Variants in EYS observed in about 807,000 individuals in gnomAD.
The protein encoded by EYS is EGF-like photoreceptor maintenance factor, also known as protein eyes shut homolog.
EYS carries 250 observed loss-of-function variants against 282.1 expected under a neutral mutation model. The observed-to-expected ratio is 0.89, with a 90% CI of 0.80 to 0.98. EYS has a LOEUF of 0.98. EYS is among the 50% of genes least tolerant of loss of function. The pLI is 0.00. For missense variants in EYS, 4,016 were observed against 3,709.0 expected (o/e 1.08, Z -2.15); for synonymous variants, 1,355 against 1,282.9 (o/e 1.06, Z -1.20).
intron 28 of EYS, among the ~76,000 whole-genome samples, chr6:64,406,661 C>CA (rs1367392512): frequency 2.6e-5 from 4 of 152,162 alleles, no homozygotes; most frequent in Non-Finnish European, 5.9e-5. Flanking sequence ...TATGAACAGA[C>CA]ACTTCTCAAA....
intron 9 of EYS, among the ~76,000 whole-genome samples, chr6:65,351,499 G>A (rs1352167974): frequency 6.6e-6 from 1 of 151,648 alleles, no homozygotes; most frequent in Non-Finnish European, 1.5e-5. Flanking sequence ...GCTCAAAGCT[G>A]ATTTATCCAT....
chr6:64,688,378 T>A (rs956650301), intron 22 of EYS, among the ~76,000 whole-genome samples: 1 of 152,218 alleles, frequency 6.6e-6, no homozygotes, highest in Non-Finnish European at 1.5e-5. Flanking sequence ...TAAATTTCCC[T>A]CTACACACTG....
chr6:63,757,582 T>G (rs1769522131), intron 41 of EYS, among the ~76,000 whole-genome samples: 1 of 152,152 alleles, frequency 6.6e-6, no homozygotes, highest in South Asian at 2.1e-4. Context: ...TTGAAATCCT[T>G]AATAAAAACT....
rs144988685 is a variant in EYS, at chr6:65,210,971, A to G, written c.2023+84892T>C. Among the ~76,000 whole-genome samples the G allele has an allele frequency of 2.1e-3, 314 of 151,676 alleles. 1 individual carries two copies. Among genetic ancestry groups the G allele is most frequent in the African/African-American group, 7.3e-3 (302 of 41,330 alleles). On this transcript the variant is annotated intron_variant, in intron 12 of 42. Transcript: ENST00000503581. ...ACACACACACACGAAGCAAACGAAC[A>G]TGGTTACTGAAAAGTGAGAGATAAA...
intron 30 of EYS, among the ~76,000 whole-genome samples, chr6:64,294,123 G>A (rs1016368857): frequency 6.6e-6 from 1 of 151,918 alleles, no homozygotes; most frequent in Non-Finnish European, 1.5e-5. Context: ...GATATAATTA[G>A]TATCAACTTT....
intron 22 of EYS, among the ~76,000 whole-genome samples, chr6:64,753,590 C>T (rs1772836131): frequency 6.6e-6 from 1 of 150,400 alleles, no homozygotes; most frequent in African/African-American, 2.4e-5. Context: ...TATATATCCA[C>T]CCATCACCAG....
chr6:64,460,708 C>A (rs775837327), intron 26 of EYS, among the ~76,000 whole-genome samples: 1 of 152,186 alleles, frequency 6.6e-6, no homozygotes, highest in Non-Finnish European at 1.5e-5. Flanking sequence ...TCTTTGAAAT[C>A]ATCAGCTTTA....
chr6:64,304,581 CT>C (rs1769367037), intron 30 of EYS, among the ~76,000 whole-genome samples: 1 of 61,366 alleles, frequency 1.6e-5, no homozygotes, highest in African/African-American at 7.7e-5. Flanking sequence ...TATAAATTAT[CT>C]TTTCTGATCA....
chr6:64,025,160 C>T (rs555112385), intron 33 of EYS, among the ~76,000 whole-genome samples: 130 of 152,214 alleles, frequency 8.5e-4, no homozygotes, highest in African/African-American at 2.8e-3. Flanking sequence ...GCAACTAGTG[C>T]GGCTGCCGGA....
rs1765563782 is a variant in EYS, at chr6:63,950,870, AGAG to A, written c.7055+33510_7055+33512del. Among the ~76,000 whole-genome samples the A allele has an allele frequency of 2.0e-5, 3 of 152,228 alleles. No individual in the cohort carries two copies. In the South Asian group the frequency reaches 6.2e-4, roughly 32 times the overall value. On this transcript the variant is annotated intron_variant, in intron 35 of 42. Coordinates refer to ENST00000503581, the MANE Select transcript of EYS (RefSeq NM_001142800.2). ...GTTCCTTTCCTTTTCTGGTAGAGAC[AGAG>A]GAGATGTGTTTTATCCGTGAACCCA...
chr6:65,193,714 T>C lies in EYS; in HGVS notation c.2023+102149A>G, dbSNP rs978536004. Among the ~76,000 whole-genome samples, 7 of 151,644 alleles carry C rather than the reference T, an allele frequency of 4.6e-5. No homozygotes were observed. The South Asian group carries it at 1.5e-3, about 32-fold the overall frequency. On this transcript the variant is annotated intron_variant, in intron 12 of 42. Coordinates refer to ENST00000503581, the MANE Select transcript of EYS (RefSeq NM_001142800.2). ...CTCTGCCTCTATCTAGTATATTTAC[T>C]AGTTGGGAAGAGAGTTAAGTAAACA...
At chr6:65,401,782 T>G (rs1365428774) in intron 7 of EYS, among the ~76,000 whole-genome samples, 1 of 151,970 alleles carries the variant, frequency 6.6e-6, no homozygotes, top group Non-Finnish European at 1.5e-5. Flanking sequence ...TTTTCTGCCT[T>G]TATGAATATT....
chr6:64,477,244 T>C (rs1336467337), intron 26 of EYS, among the ~76,000 whole-genome samples: 5 of 152,158 alleles, frequency 3.3e-5, no homozygotes, highest in Non-Finnish European at 7.4e-5. Flanking sequence ...ATGCTGCACT[T>C]GCATCCTCTA....
intron 22 of EYS, among the ~76,000 whole-genome samples, chr6:64,743,708 T>G (rs1269778563): frequency 2.6e-5 from 4 of 152,152 alleles, no homozygotes; most frequent in Non-Finnish European, 5.9e-5. Flanking sequence ...CTGGAGAAGT[T>G]ACTTGATTTT....
At chr6:64,208,792 A>G (rs1201105206) in intron 31 of EYS, among the ~76,000 whole-genome samples, 3 of 152,144 alleles carry the variant, frequency 2.0e-5, no homozygotes, top group Non-Finnish European at 4.4e-5. Flanking sequence ...GGAAAAAAGC[A>G]AGGACAGTAG....
intron 5 of EYS, among the ~76,000 whole-genome samples, chr6:65,418,854 A>G (rs1484194932): frequency 6.6e-6 from 1 of 152,026 alleles, no homozygotes; most frequent in Non-Finnish European, 1.5e-5. Flanking sequence ...AAAATCTGTC[A>G]TGAATACTAA....
chr6:65,672,385 A>G (rs1768421075), intron 1 of EYS, among the ~76,000 whole-genome samples: 1 of 152,164 alleles, frequency 6.6e-6, no homozygotes, highest in African/African-American at 2.4e-5. Context: ...CTTCTAAAAA[A>G]GGAAACCAGT....
chr6:65,134,136 GA>G (rs1160409597), intron 12 of EYS, among the ~76,000 whole-genome samples: 1 of 152,102 alleles, frequency 6.6e-6, no homozygotes, highest in East Asian at 1.9e-4. Flanking sequence ...AAATTGTGGA[GA>G]AAAGGAAATA....
intron 33 of EYS, among the ~76,000 whole-genome samples, chr6:64,009,272 T>C (rs1469277905): frequency 1.3e-5 from 2 of 152,022 alleles, no homozygotes; most frequent in Non-Finnish European, 2.9e-5. Flanking sequence ...TAATTTGTGT[T>C]AGGAAATTCT....
Sources: gnomAD v4.1 joint callset for allele counts (sites outside exome capture counted in the v4.1 genomes callset) on GRCh38, gnomAD v4.1.1 for gene constraint, MANE v1.5 for transcripts, NCBI Gene and HGNC (gene_info 2026-07-23, HGNC 2026-07-21) for gene names.